NAPB: variants seen among roughly 807,000 people sequenced by gnomAD.
NAPB encodes the protein beta-soluble NSF attachment protein.
In NAPB, 26 loss-of-function variants were observed where a neutral mutation model predicts 44.7. The observed-to-expected ratio is 0.58, with a 90% CI of 0.43 to 0.81. The LOEUF is 0.81. NAPB is among the 30% of genes least tolerant of loss of function. The probability of loss-of-function intolerance (pLI) is 0.00; values close to 1 mark genes in which losing one functional copy is unlikely to be tolerated. For synonymous variants in NAPB, 120 were observed against 116.8 expected (o/e 1.03, Z -0.18); for missense variants, 315 against 356.4 (o/e 0.88, Z 0.94).
At position 23,394,034 on chromosome 20, in the gene NAPB, A is replaced by G. The variant is rs146974792; in HGVS notation, c.420+888T>C. Among the ~76,000 whole-genome samples, 3 of 152,298 alleles carry G rather than the reference A, an allele frequency of 2.0e-5. No homozygotes were observed. In the East Asian group the frequency reaches 5.8e-4, roughly 29 times the overall value. On this transcript the variant is annotated intron_variant, in intron 5 of 10. Transcript: ENST00000377026. ...AGGAGAGGCCAGGCCACACAGATGC[A>G]TGGGGAGTGTGGGGCTGGGAGGAAG...
chr20:23,404,257 T>C (rs1001489199), intron 1 of NAPB, among the ~76,000 whole-genome samples: 10 of 152,204 alleles, frequency 6.6e-5, no homozygotes. Flanking sequence ...GCAGACTCTG[T>C]ACAGTATACA....
intron 1 of NAPB, among the ~76,000 whole-genome samples, chr20:23,409,736 G>C (rs6132607): frequency 0.3 from 45,236 of 152,066 alleles, 6,765 homozygotes; most frequent in Middle Eastern, 0.37. Flanking sequence ...AAACCTTATA[G>C]ATCAACAAAA....
intron 5 of NAPB, among the ~76,000 whole-genome samples, chr20:23,392,070 T>C (rs866958242): frequency 6.6e-6 from 1 of 152,238 alleles, no homozygotes; most frequent in Admixed American, 6.5e-5. Context: ...TTTGTCTTCA[T>C]TCACTTAGCA....
At chr20:23,385,511 G>A (rs1983426574) in intron 7 of NAPB, among the ~76,000 whole-genome samples, 1 of 152,224 alleles carries the variant, frequency 6.6e-6, no homozygotes, top group South Asian at 2.1e-4. Flanking sequence ...TGTAATCCTG[G>A]CACTTTGGGA....
At chr20:23,379,725 A>G (rs1231345610) in intron 9 of NAPB, 142 bp downstream of exon 9, 4 of 698,734 alleles carry the variant, frequency 5.7e-6, no homozygotes, top group Non-Finnish European at 9.8e-6. Context: ...TTGAACACCT[A>G]TAATACGAAA....
intron 1 of NAPB, among the ~76,000 whole-genome samples, chr20:23,412,475 A>G (rs1324062668): frequency 6.6e-6 from 1 of 151,836 alleles, no homozygotes; most frequent in Non-Finnish European, 1.5e-5. Flanking sequence ...TGCTAAAAAT[A>G]TAATTCATAA....
At chr20:23,379,222 G>C (rs1246335862) in intron 10 of NAPB, 1 of 453,014 alleles carries the variant, frequency 2.2e-6, no homozygotes, top group Non-Finnish European at 3.9e-6. Context: ...TCCTGAACTA[G>C]TCTCACAGCT....
intron 7 of NAPB, among the ~76,000 whole-genome samples, chr20:23,383,751 C>T (rs1332033573): frequency 1.3e-5 from 2 of 152,166 alleles, no homozygotes; most frequent in East Asian, 1.9e-4. Flanking sequence ...GAAGAAAGAA[C>T]ATGGTAAGCA....
At chr20:23,383,135 C>T (rs986035089) in intron 7 of NAPB, among the ~76,000 whole-genome samples, 7 of 117,122 alleles carry the variant, frequency 6.0e-5, no homozygotes, top group African/African-American at 1.7e-4. Flanking sequence ...CACGCCTGGG[C>T]GACAGAGCAA....
intron 5 of NAPB, among the ~76,000 whole-genome samples, chr20:23,391,959 C>T (rs1305051906): frequency 6.6e-6 from 1 of 152,200 alleles, no homozygotes; most frequent in Non-Finnish European, 1.5e-5. Context: ...TAAGTGGCTT[C>T]AAGGCAGCTC....
chr20:23,417,012 A>C (rs1016336989), intron 1 of NAPB, among the ~76,000 whole-genome samples: 5 of 152,230 alleles, frequency 3.3e-5, no homozygotes, highest in Non-Finnish European at 7.3e-5. Context: ...GCTCTTGTGT[A>C]AACTCAGACT....
In NAPB at chr20:23,377,217, T is replaced by C. The variant is rs1982589033; in HGVS notation, c.*159A>G. The C allele has an allele frequency of 2.4e-6, 1 of 410,542 alleles. No individual in the cohort carries two copies. Among genetic ancestry groups the C allele is most frequent in the African/African-American group, 2.0e-5 (1 of 49,478 alleles). The allele number at this position is 410,542 out of a possible 1,614,324, so 25.4% of individuals were successfully genotyped here. A position where few individuals can be genotyped will look rare whatever the true frequency, so the allele number is the denominator to read the frequency against. On this transcript the variant is annotated 3_prime_UTR_variant, in exon 11 of 11. Transcript: ENST00000377026. Reference sequence around the variant, plus strand: ...TGAACAGGAGCCTCTCCTTCATTCATTTCACAGCAACACAGACTTGGCGAG... The same window carrying C: ...TGAACAGGAGCCTCTCCTTCATTCACTTCACAGCAACACAGACTTGGCGAG...
chr20:23,397,235 G>A lies in NAPB; in HGVS notation c.179-47C>T, dbSNP rs375855847. 3.8e-5 allele frequency: 60 copies of A among 1,575,160 alleles called. No individual in the cohort carries two copies. In the African/African-American group the frequency reaches 7.7e-4, roughly 20 times the overall value. The stretch of plus-strand genomic sequence containing the variant: ...AACACAGAGGAACAAGTCCCCCCCA[G>A]AGCAGCCCATGCTGTAAGCACTGGA... On this transcript the variant is annotated intron_variant, in intron 2 of 10. Transcript: ENST00000377026.
rs1285488119 is a variant in NAPB, at chr20:23,394,985, A to G, written c.357T>C (p.Ile119=). 3 of 1,614,082 alleles carry G rather than the reference A, an allele frequency of 1.9e-6. No homozygotes were observed. The highest frequency in any genetic ancestry group is 1.1e-5 in the South Asian group (1 of 91,090). Reference sequence around the variant, plus strand: ...CAATAGTAATGTGGTGCTTGGCTGCAATTGTAAACCTTCCCTAGGGGAAAA... The same window carrying G: ...CAATAGTAATGTGGTGCTTGGCTGCGATTGTAAACCTTCCCTAGGGGAAAA... ...DIYTDMGRFT[I]AAKHHITIAE... Residue 119 remains isoleucine (I), a synonymous_variant, in exon 5 of 11, where the codon ATT becomes ATC. Transcript: ENST00000377026.
At chr20:23,414,167 C>T (rs907849302) in intron 1 of NAPB, among the ~76,000 whole-genome samples, 1 of 151,902 alleles carries the variant, frequency 6.6e-6, no homozygotes, top group Non-Finnish European at 1.5e-5. Flanking sequence ...AATAAAAATA[C>T]AAAAATTAGC....
At chr20:23,410,888 C>T (rs937191916) in intron 1 of NAPB, among the ~76,000 whole-genome samples, 3 of 151,896 alleles carry the variant, frequency 2.0e-5, no homozygotes, top group African/African-American at 4.8e-5. Flanking sequence ...CATGGAAATA[C>T]ACAAAAAAAT....
At chr20:23,414,070 C>T (rs1395414288) in intron 1 of NAPB, among the ~76,000 whole-genome samples, 2 of 152,198 alleles carry the variant, frequency 1.3e-5, no homozygotes, top group Non-Finnish European at 1.5e-5. Flanking sequence ...TGCCTGTAAT[C>T]CCAGCCCTGT....
chr20:23,396,883 T>C (rs1984406740), intron 3 of NAPB, 189 bp downstream of exon 3: 2 of 407,386 alleles, frequency 4.9e-6, no homozygotes, highest in Non-Finnish European at 4.2e-6. Context: ...TAATTTCTCC[T>C]CATAAAAGCC....
At chr20:23,396,141 A>G (rs1984345422) in intron 3 of NAPB, among the ~76,000 whole-genome samples, 1 of 152,222 alleles carries the variant, frequency 6.6e-6, no homozygotes, top group African/African-American at 2.4e-5. Context: ...TCTGAAAATG[A>G]GATTATACAA....
Sources: gnomAD v4.1 joint callset for allele counts (sites outside exome capture counted in the v4.1 genomes callset) on GRCh38, gnomAD v4.1.1 for gene constraint, MANE v1.5 for transcripts, NCBI Gene and HGNC (gene_info 2026-07-23, HGNC 2026-07-21) for gene names.